WDFY4: variants seen among roughly 807,000 people sequenced by gnomAD.
WDFY4 encodes the protein WD repeat- and FYVE domain-containing protein 4.
In WDFY4, 169 loss-of-function variants were observed where a neutral mutation model predicts 351.9. That is an observed-to-expected ratio of 0.48 (90% CI 0.42 to 0.55). WDFY4 has a LOEUF of 0.55. Ranked by LOEUF, WDFY4 falls within the 20% of genes least tolerant of loss-of-function variation. WDFY4 has a pLI of 0.00. For missense variants in WDFY4, 3,803 were observed against 3,935.6 expected (o/e 0.97, Z 0.90); for synonymous variants, 1,622 against 1,574.6 (o/e 1.03, Z -0.71).
intron 34 of WDFY4, among the ~76,000 whole-genome samples, chr10:48,822,069 A>G (rs2067842411): frequency 6.6e-6 from 1 of 152,174 alleles, no homozygotes; most frequent in Admixed American, 6.5e-5. Context: ...CCTGGTCATC[A>G]TGATGCCTGC....
At position 48,873,665 on chromosome 10, in the gene WDFY4, C is replaced by T. The variant is rs2069873777; in HGVS notation, c.6916C>T (p.Pro2306Ser). 10 of 1,551,854 alleles carry T rather than the reference C, an allele frequency of 6.4e-6. No homozygotes were observed. The highest frequency in any genetic ancestry group is 8.7e-6 in the Non-Finnish European group (10 of 1,147,020). The change falls in exon 41 of 62, where the codon CCT (proline) becomes TCT (serine). Residue 2306 changes from proline to serine, a missense_variant. This residue lies in a region of WDFY4 where 3,054 missense variants were observed against 3,148.6 expected (regional missense o/e 0.97). Transcript: ENST00000325239. ...GAGGAAACGCATCAAACGCTTGTCT[C>T]CTTTGGAGGCCCTGAGCTCAGGAAG... ...RMRKRIKRLS[P>S]LEALSSGRHK... is the part of the protein sequence containing the mutation.
intron 1 of WDFY4, among the ~76,000 whole-genome samples, chr10:48,696,821 A>G (rs983471920): frequency 2.6e-5 from 4 of 152,264 alleles, no homozygotes; most frequent in Admixed American, 2.6e-4. Context: ...GGCATCTAGC[A>G]TGTACTGGAC....
chr10:48,874,130 A>G (rs1485191490), intron 41 of WDFY4, among the ~76,000 whole-genome samples: 3 of 152,234 alleles, frequency 2.0e-5, no homozygotes, highest in Non-Finnish European at 4.4e-5. Flanking sequence ...AAATCCCATA[A>G]CAAATTTTAC....
At chr10:48,845,331 C>T (rs1564411452) in intron 39 of WDFY4, among the ~76,000 whole-genome samples, 1 of 152,200 alleles carries the variant, frequency 6.6e-6, no homozygotes, top group Non-Finnish European at 1.5e-5. Flanking sequence ...TCAACCTCCC[C>T]CACACACTCA....
intron 41 of WDFY4, 94 bp from the exon 42 acceptor site, chr10:48,874,995 A>C (rs1452914628): frequency 2.8e-5 from 18 of 641,938 alleles, no homozygotes; most frequent in Non-Finnish European, 4.1e-5. Context: ...GGTCACATGC[A>C]TGTGCGTGTT....
At position 48,926,802 on chromosome 10, in the gene WDFY4, G is replaced by A. The variant is rs1164596142; in HGVS notation, c.7587-15004G>A. On this transcript the variant is annotated intron_variant, in intron 47 of 61. Coordinates refer to ENST00000325239, the MANE Select transcript of WDFY4 (RefSeq NM_001394531.1). ...AAAGAGAGAAAGAGAAACAGTTTAT[G>A]GGGCACACATAATGCCACGAGCCAG... Among the ~76,000 whole-genome samples the A allele has an allele frequency of 7.2e-5, 11 of 152,192 alleles. No individual in the cohort carries two copies. In the East Asian group the frequency reaches 2.1e-3, roughly 29 times the overall value.
intron 52 of WDFY4, among the ~76,000 whole-genome samples, chr10:48,959,230 G>C (rs560508746): frequency 6.6e-6 from 1 of 152,250 alleles, no homozygotes; most frequent in South Asian, 2.1e-4. Context: ...TGCTGTCCTC[G>C]CCTTAAAAAC....
At chr10:48,977,874 CAG>C (rs956465483) in intron 59 of WDFY4, among the ~76,000 whole-genome samples, 5 of 152,202 alleles carry the variant, frequency 3.3e-5, no homozygotes, top group African/African-American at 9.7e-5. Context: ...GAGTTGGCCT[CAG>C]GGCTCCCACA....
intron 38 of WDFY4, among the ~76,000 whole-genome samples, chr10:48,832,081 A>G (rs1054926195): frequency 3.9e-5 from 6 of 152,366 alleles, no homozygotes; most frequent in Non-Finnish European, 8.8e-5. Context: ...TATTTCAGAG[A>G]AAAGTAAAAT....
At chr10:48,789,189 A>G (rs1403346796) in intron 21 of WDFY4, among the ~76,000 whole-genome samples, 1 of 152,030 alleles carries the variant, frequency 6.6e-6, no homozygotes, top group African/African-American at 2.4e-5. Flanking sequence ...CTGTGATTAA[A>G]ACAACAAACA....
At chr10:48,887,677 A>T (rs1053095009) in intron 43 of WDFY4, among the ~76,000 whole-genome samples, 2 of 151,870 alleles carry the variant, frequency 1.3e-5, no homozygotes, top group Non-Finnish European at 2.9e-5. Flanking sequence ...TGCTCAGGAG[A>T]CTGAGGCAGG....
In WDFY4 at chr10:48,803,272, GT is replaced by G. The variant is rs1303925120; in HGVS notation, c.4411-10del. The G allele has an allele frequency of 6.4e-7, 1 of 1,551,562 alleles. No homozygotes were observed. Among genetic ancestry groups the G allele is most frequent in the Non-Finnish European group, 8.7e-7 (1 of 1,146,942 alleles). On this transcript the variant is annotated splice_polypyrimidine_tract_variant and intron_variant, in intron 24 of 61. Coordinates refer to ENST00000325239, the MANE Select transcript of WDFY4 (RefSeq NM_001394531.1). ...ACACCTTCATTTTAGCATGTGTTTT[GT>G]TTTGTCTTCCAGCTCTGGATGAATA...
intron 47 of WDFY4, among the ~76,000 whole-genome samples, chr10:48,908,240 T>G (rs1837724700): frequency 6.6e-6 from 1 of 152,216 alleles, no homozygotes; most frequent in African/African-American, 2.4e-5. Flanking sequence ...ACAACCTTTA[T>G]GCTCCCACAC....
intron 5 of WDFY4, among the ~76,000 whole-genome samples, chr10:48,725,495 TG>T (rs2064239161): frequency 6.6e-6 from 1 of 152,370 alleles, no homozygotes; most frequent in South Asian, 2.1e-4. Flanking sequence ...AAGTAGAGTC[TG>T]AGTGTCAACA....
At chr10:48,782,883 CAT>C (rs1251796702) in intron 19 of WDFY4, among the ~76,000 whole-genome samples, 3 of 152,080 alleles carry the variant, frequency 2.0e-5, no homozygotes, top group Admixed American at 6.6e-5. Flanking sequence ...GGGCAGTGTG[CAT>C]ACACTGGGAA....
At chr10:48,796,126 G>A (rs2066866490) in intron 23 of WDFY4, among the ~76,000 whole-genome samples, 172 bp from the exon 24 acceptor site, 1 of 152,188 alleles carries the variant, frequency 6.6e-6, no homozygotes. Flanking sequence ...TCAGGTCATA[G>A]CACAGAAAAG....
chr10:48,754,605 CAAT>C (rs2065278735), intron 12 of WDFY4, among the ~76,000 whole-genome samples: 1 of 151,332 alleles, frequency 6.6e-6, no homozygotes, highest in Non-Finnish European at 1.5e-5. Flanking sequence ...ATATTATACA[CAAT>C]AATTATTAAT....
chr10:48,799,905 G>C (rs11101496), intron 24 of WDFY4, among the ~76,000 whole-genome samples: 1 of 151,026 alleles, frequency 6.6e-6, no homozygotes, highest in Non-Finnish European at 1.5e-5. Context: ...GTTTTTTTTT[G>C]AGACAGAGTC....
At chr10:48,705,754 T>C (rs922631845) in intron 1 of WDFY4, among the ~76,000 whole-genome samples, 4 of 152,218 alleles carry the variant, frequency 2.6e-5, no homozygotes, top group Non-Finnish European at 4.4e-5. Flanking sequence ...CAAACGTGGC[T>C]TCTGCACTTC....
Sources: allele counts gnomAD v4.1 joint callset (sites outside exome capture counted in the v4.1 genomes callset), GRCh38; gene constraint gnomAD v4.1.1; regional missense constraint gnomAD v4.1.1; transcripts MANE v1.5; gene names NCBI Gene and HGNC (gene_info 2026-07-23, HGNC 2026-07-21).